Variants in RANBP9 observed in about 807,000 individuals in gnomAD.
RANBP9 encodes RAN binding protein 9.
RANBP9 carries 15 observed loss-of-function variants against 84.3 expected under a neutral mutation model. The ratio of observed to expected loss-of-function variants is 0.18; its 90% CI spans 0.12 to 0.27. The LOEUF (loss-of-function observed/expected upper bound fraction) is 0.27. RANBP9 is among the 10% of genes least tolerant of loss of function. RANBP9 has a pLI of 1.00. For synonymous variants in RANBP9, 392 were observed against 349.6 expected (o/e 1.12, Z -1.35); for missense variants, 809 against 912.8 (o/e 0.89, Z 1.46).
chr6:13,676,340 G>A (rs1210727018), intron 2 of RANBP9, among the ~76,000 whole-genome samples: 1 of 151,764 alleles, frequency 6.6e-6, no homozygotes, highest in Non-Finnish European at 1.5e-5. Flanking sequence ...AACAAACACT[G>A]GGCCCAGATG....
chr6:13,709,161 T>C (rs1758209037), intron 1 of RANBP9, among the ~76,000 whole-genome samples: 1 of 152,220 alleles, frequency 6.6e-6, no homozygotes, highest in Non-Finnish European at 1.5e-5. Context: ...TCATCAATTT[T>C]ATGTAAAAGA....
At chr6:13,625,172 C>A (rs928793748) in intron 13 of RANBP9, among the ~76,000 whole-genome samples, 53 of 152,158 alleles carry the variant, frequency 3.5e-4, no homozygotes, top group African/African-American at 1.3e-3. Flanking sequence ...ACTCTTGTGA[C>A]AATTATTAAT....
chr6:13,627,107 T>C (rs1340751641), intron 12 of RANBP9, among the ~76,000 whole-genome samples: 1 of 152,176 alleles, frequency 6.6e-6, no homozygotes, highest in Non-Finnish European at 1.5e-5. Flanking sequence ...ATAAAAATTA[T>C]TTACTATACT....
intron 2 of RANBP9, among the ~76,000 whole-genome samples, chr6:13,686,520 G>C (rs971786728): frequency 4.0e-5 from 6 of 151,648 alleles, no homozygotes; most frequent in African/African-American, 1.5e-4. Flanking sequence ...CCTGACCTCA[G>C]GTGATCCACC....
chr6:13,689,144 A>C (rs547155705), intron 2 of RANBP9, among the ~76,000 whole-genome samples: 3 of 152,132 alleles, frequency 2.0e-5, no homozygotes, highest in Admixed American at 6.6e-5. Context: ...GTGACAGAGC[A>C]AGACTCTGCT....
intron 4 of RANBP9, among the ~76,000 whole-genome samples, chr6:13,654,019 C>T (rs990900172): frequency 6.6e-6 from 1 of 151,984 alleles, no homozygotes; most frequent in Non-Finnish European, 1.5e-5. Context: ...TAATATTTTT[C>T]ATAAAATAAT....
intron 5 of RANBP9, among the ~76,000 whole-genome samples, chr6:13,649,291 G>T (rs1047533763): frequency 2.6e-5 from 4 of 151,998 alleles, no homozygotes; most frequent in Non-Finnish European, 5.9e-5. Flanking sequence ...ATGATCATTG[G>T]CTACCTGAGG....
At chr6:13,677,513 A>C (rs1010534331) in intron 2 of RANBP9, among the ~76,000 whole-genome samples, 1 of 152,134 alleles carries the variant, frequency 6.6e-6, no homozygotes, top group Non-Finnish European at 1.5e-5. Flanking sequence ...CTTTGAAATA[A>C]AATGTTTTAT....
At chr6:13,658,379 C>A (rs1008260107) in intron 3 of RANBP9, among the ~76,000 whole-genome samples, 1 of 152,130 alleles carries the variant, frequency 6.6e-6, no homozygotes, top group Non-Finnish European at 1.5e-5. Flanking sequence ...GAGGCCGAGG[C>A]AGGTGGATCA....
At chr6:13,646,501 A>T (rs958746581) in intron 5 of RANBP9, among the ~76,000 whole-genome samples, 39 of 152,330 alleles carry the variant, frequency 2.6e-4, no homozygotes, top group African/African-American at 7.5e-4. Context: ...ATATAAGCCA[A>T]ACACAATTGA....
intron 2 of RANBP9, among the ~76,000 whole-genome samples, chr6:13,675,744 AAC>A (rs1313294864): frequency 6.6e-6 from 1 of 151,792 alleles, no homozygotes; most frequent in Non-Finnish European, 1.5e-5. Flanking sequence ...ACAAAAAAAA[AAC>A]ACAAATTATT....
intron 2 of RANBP9, among the ~76,000 whole-genome samples, chr6:13,689,063 A>C (rs1044163909): frequency 6.6e-6 from 1 of 151,400 alleles, no homozygotes; most frequent in Non-Finnish European, 1.5e-5. Flanking sequence ...AAGCTGAAGC[A>C]GGAGGATCAC....
intron 2 of RANBP9, among the ~76,000 whole-genome samples, chr6:13,686,570 C>T (rs2113340491): frequency 6.6e-6 from 1 of 152,036 alleles, no homozygotes; most frequent in African/African-American, 2.4e-5. Flanking sequence ...CAGGCATGAG[C>T]CACCATGCCC....
rs1758273612 is a variant in RANBP9, at chr6:13,711,275, C to T, written c.231G>A (p.Pro77=). ...GCGGGGGCGGCGGGGCCGCGGTGGC[C>T]GGGGGCGGCGGCGGCGGAGGGTGGA... is the stretch of plus-strand genomic sequence containing the variant. The part of the protein sequence containing the change: ...LLLHPPPPPP[P]ATAAPPPPPP... The change falls in exon 1 of 14, where the codon CCG becomes CCA. Residue 77 remains proline, a synonymous_variant. Transcript: ENST00000011619. 2.2e-6 allele frequency: 2 copies of T among 920,032 alleles called. No homozygotes were observed. The highest frequency in any genetic ancestry group is 2.6e-6 in the Non-Finnish European group (2 of 772,254). 57.0% of individuals were successfully genotyped at this position (920,032 alleles called of 1,614,324 possible). A position where few individuals can be genotyped will look rare whatever the true frequency, so the allele number is the denominator to read the frequency against.
intron 2 of RANBP9, among the ~76,000 whole-genome samples, chr6:13,679,165 C>T (rs1477342652): frequency 6.6e-6 from 1 of 152,174 alleles, no homozygotes; most frequent in African/African-American, 2.4e-5. Context: ...CATAAAGAAT[C>T]ATGAAAAACA....
intron 11 of RANBP9, chr6:13,632,765 T>C (rs1044253139): frequency 8.5e-6 from 3 of 353,250 alleles, no homozygotes; most frequent in African/African-American, 6.3e-5. Flanking sequence ...AACCTTTCAG[T>C]GTTAGAGGGT....
intron 5 of RANBP9, among the ~76,000 whole-genome samples, chr6:13,645,354 A>T (rs1765157046): frequency 6.6e-6 from 1 of 152,120 alleles, no homozygotes; most frequent in Non-Finnish European, 1.5e-5. Flanking sequence ...TCAAGGGAGG[A>T]AAAGGATGAA....
chr6:13,695,091 A>C (rs1170136743), intron 2 of RANBP9, among the ~76,000 whole-genome samples: 2 of 152,208 alleles, frequency 1.3e-5, no homozygotes, highest in African/African-American at 4.8e-5. Context: ...AGACTGAAAA[A>C]TGACCCAAGA....
chr6:13,697,264 T>C (rs114702941), intron 1 of RANBP9, among the ~76,000 whole-genome samples: 2,053 of 152,318 alleles, frequency 0.013, 54 homozygotes, highest in African/African-American at 0.046. Context: ...AGGTCTAAAT[T>C]TGCATATAAC....
Sources: gnomAD v4.1 joint callset for allele counts (sites outside exome capture counted in the v4.1 genomes callset) on GRCh38, gnomAD v4.1.1 for gene constraint, MANE v1.5 for transcripts, NCBI Gene and HGNC (gene_info 2026-07-23, HGNC 2026-07-21) for gene names.